The following PDE8B variants were observed in gnomAD, a reference collection of about 807,000 sequenced individuals.
PDE8B encodes phosphodiesterase 8B.
In PDE8B, 26 loss-of-function variants were observed where a neutral mutation model predicts 101.3. The observed-to-expected ratio is 0.26, with a 90% CI of 0.19 to 0.36. The LOEUF (loss-of-function observed/expected upper bound fraction) is 0.36, where lower values mean the gene tolerates loss of function less well. Ranked by LOEUF, PDE8B falls within the 10% of genes least tolerant of loss-of-function variation. The pLI, the probability that PDE8B is intolerant of heterozygous loss-of-function variation, is 1.00. For synonymous variants in PDE8B, 424 were observed against 429.3 expected, an observed-to-expected ratio of 0.99 and a Z score of 0.15; for missense variants, 810 against 1,163.1, an observed-to-expected ratio of 0.70 and a Z score of 4.42.
chr5:77,196,803 A>G, the PDE8B span, among the ~76,000 whole-genome samples: 7 of 152,270 alleles, frequency 4.6e-5, no homozygotes, highest in South Asian at 1.2e-3. Context: ...ACTTCACCTG[A>G]GAATGTTTCT....
At chr5:77,419,668 C>A (rs1796231360) in intron 18 of PDE8B, 99 bp from the exon 19 acceptor site, 2 of 1,391,502 alleles carry the variant, frequency 1.4e-6, no homozygotes, top group Admixed American at 1.7e-5. Context: ...TGTGCCCCAG[C>A]TTCCTCCTAG....
At chr5:77,407,348 G>A in intron 12 of PDE8B, 33 bp from the exon 13 acceptor site, 1 of 1,591,372 alleles carries the variant, frequency 6.3e-7, no homozygotes, top group Non-Finnish European at 8.6e-7. Flanking sequence ...TGAGCCACCG[G>A]AACTGGACAC....
the PDE8B span, among the ~76,000 whole-genome samples, chr5:77,128,582 G>A: frequency 1.4e-3 from 206 of 152,328 alleles, no homozygotes; most frequent in African/African-American, 4.6e-3. Flanking sequence ...GGCAAGGTCA[G>A]GTTATGCCTG....
At chr5:77,385,720 T>A (rs976243971) in intron 10 of PDE8B, among the ~76,000 whole-genome samples, 1 of 152,040 alleles carries the variant, frequency 6.6e-6, no homozygotes, top group Non-Finnish European at 1.5e-5. Context: ...TGCCTTCATT[T>A]CATTATTTAC....
At chr5:77,184,838 A>G in the PDE8B span, among the ~76,000 whole-genome samples, 1 of 152,086 alleles carries the variant, frequency 6.6e-6, no homozygotes, top group Non-Finnish European at 1.5e-5. Context: ...AAAAATAAAA[A>G]TAAAATAATA....
At chr5:77,088,367 A>ACC in the PDE8B span, 1 of 150,710 alleles carries the variant, frequency 6.6e-6, no homozygotes, top group Admixed American at 6.7e-5. Flanking sequence ...AGCTCAATAG[A>ACC]CCCTCTGCCT....
Position 77,211,024 on chromosome 5 carries a change from G to A in PDE8B, c.99G>A (p.Ser33=). The change falls in exon 1 of 22, where the codon TCG becomes TCA. Residue 33 remains serine, a synonymous_variant. Transcript: ENST00000264917. The surrounding 1 kb of genome is among the most constrained non-coding windows in gnomAD (Gnocchi z 4.1). ...SSSPRQTTSV[S]QGPAAPLPGL... ...CGCCCCGCCAGACCACCAGCGTGTC[G>A]CAGGGCCCGGCGGCACCCCTGCCCG... 2 of 1,544,142 alleles carry A rather than the reference G, an allele frequency of 1.3e-6. No homozygotes were observed. The highest frequency in any genetic ancestry group is 1.7e-6 in the Non-Finnish European group (2 of 1,155,374).
the PDE8B span, among the ~76,000 whole-genome samples, chr5:77,121,943 T>G: frequency 1.3e-5 from 2 of 152,220 alleles, no homozygotes; most frequent in African/African-American, 4.8e-5. Flanking sequence ...GCCCAGAGTC[T>G]TCTTCTAGAG....
intron 1 of PDE8B, among the ~76,000 whole-genome samples, chr5:77,242,764 C>T (rs372506869): frequency 1.2e-3 from 181 of 152,208 alleles, no homozygotes; most frequent in African/African-American, 3.7e-3. Context: ...CTCCATCTCC[C>T]GGGTTCACGC....
the PDE8B span, among the ~76,000 whole-genome samples, chr5:77,099,138 T>G: frequency 1.3e-5 from 2 of 152,254 alleles, no homozygotes; most frequent in Non-Finnish European, 2.9e-5. Flanking sequence ...TTTTAAAACT[T>G]ATCTTTGAGA....
At chr5:77,398,738 C>T (rs1015184706) in intron 10 of PDE8B, among the ~76,000 whole-genome samples, 7 of 152,236 alleles carry the variant, frequency 4.6e-5, no homozygotes, top group Non-Finnish European at 8.8e-5. Context: ...CTCAGTTCAC[C>T]GTCACTCTAA....
intron 10 of PDE8B, among the ~76,000 whole-genome samples, chr5:77,386,509 T>C (rs564934000): frequency 1.1e-4 from 16 of 152,356 alleles, no homozygotes; most frequent in African/African-American, 2.9e-4. Flanking sequence ...TCCTGTTGCA[T>C]TGATCCCTTT....
At chr5:77,214,875 G>A (rs1407205008) in intron 1 of PDE8B, among the ~76,000 whole-genome samples, 1 of 152,108 alleles carries the variant, frequency 6.6e-6, no homozygotes, top group African/African-American at 2.4e-5. Flanking sequence ...GGAGATGCTA[G>A]TGTTGCTGAT....
At chr5:77,266,641 C>T (rs1015953383) in intron 1 of PDE8B, among the ~76,000 whole-genome samples, 2 of 152,154 alleles carry the variant, frequency 1.3e-5, no homozygotes, top group African/African-American at 4.8e-5. Context: ...GAAGAGAATA[C>T]CTCCTGTGAC....
chr5:77,415,495 T>C (rs577927346), intron 17 of PDE8B, among the ~76,000 whole-genome samples: 1 of 152,010 alleles, frequency 6.6e-6, no homozygotes, highest in African/African-American at 2.4e-5. Context: ...GTAGCTGGGA[T>C]TGCAGGCACA....
intron 2 of PDE8B, among the ~76,000 whole-genome samples, chr5:77,317,061 T>C (rs186674235): frequency 6.6e-6 from 1 of 152,324 alleles, no homozygotes; most frequent in East Asian, 1.9e-4. Flanking sequence ...CCTCCTATGT[T>C]CAGGGCTCTA....
At chr5:77,353,242 C>A in intron 9 of PDE8B, 104 bp from the exon 10 acceptor site, 1 of 750,452 alleles carries the variant, frequency 1.3e-6, no homozygotes, top group Non-Finnish European at 2.4e-6. Flanking sequence ...TGCCCTAGGA[C>A]GAACCCTGGA....
At chr5:77,412,997 T>G in intron 16 of PDE8B, 114 bp from the exon 17 acceptor site, 1 of 855,416 alleles carries the variant, frequency 1.2e-6, no homozygotes, top group Non-Finnish European at 2.0e-6. Context: ...TAAACCCCTG[T>G]GTGTGTGAAG....
At chr5:77,199,538 G>A in the PDE8B span, among the ~76,000 whole-genome samples, 2 of 152,074 alleles carry the variant, frequency 1.3e-5, no homozygotes, top group South Asian at 2.1e-4. Context: ...CAGATCCCCC[G>A]TTATGAAGGA....
Sources: allele counts gnomAD v4.1 joint callset (sites outside exome capture counted in the v4.1 genomes callset), GRCh38; gene constraint gnomAD v4.1.1; non-coding constraint Gnocchi (gnomAD v3.1); transcripts MANE v1.5; gene names NCBI Gene and HGNC (gene_info 2026-07-23, HGNC 2026-07-21).